ARHGAP44: variants seen among roughly 807,000 people sequenced by gnomAD.
ARHGAP44 encodes rho GTPase-activating protein 44.
Under a neutral mutation model 106.8 loss-of-function variants are expected in ARHGAP44, and 43 were observed. That is an observed-to-expected ratio of 0.40 (90% CI 0.32 to 0.52). The LOEUF is 0.52. ARHGAP44 is among the 20% of genes least tolerant of loss of function. ARHGAP44 has a pLI of 0.48. For synonymous variants in ARHGAP44, 439 were observed against 410.3 expected (o/e 1.07, Z -0.85); for missense variants, 866 against 1,050.5 (o/e 0.82, Z 2.43).
intron 1 of ARHGAP44, among the ~76,000 whole-genome samples, chr17:12,802,990 T>TTG (rs2034164105): frequency 1.0e-5 from 1 of 99,728 alleles, no homozygotes; most frequent in Non-Finnish European, 2.1e-5. Flanking sequence ...TTTTTTTTTT[T>TTG]GAGGCAGAGT....
chr17:12,903,114 GAGAGAGAGAGA>G (rs1567677635), intron 3 of ARHGAP44, among the ~76,000 whole-genome samples: 3 of 77,902 alleles, frequency 3.9e-5, no homozygotes, highest in Non-Finnish European at 7.1e-5. Flanking sequence ...GAGAGAGAGA[GAGAGAGAGAGA>G]GGAGAGAGAG....
At position 12,949,281 on chromosome 17, in the gene ARHGAP44, A is replaced by C. The variant is rs952303215; in HGVS notation, c.973+30A>C. On this transcript the variant is annotated intron_variant, in intron 11 of 20. Coordinates refer to ENST00000379672, the MANE Select transcript of ARHGAP44 (RefSeq NM_014859.6). This position sits in a 1 kb window ranked among gnomAD's most constrained non-coding sequence, Gnocchi z 4.1. ...GCACCTCTCAGCGCTCCTGTGTGCC[A>C]TGGAGGCTCACAGGGAAGGGGTAGA... The C allele has an allele frequency of 6.5e-7, 1 of 1,539,594 alleles. No individual in the cohort carries two copies. Among genetic ancestry groups the C allele is most frequent in the Admixed American group, 2.0e-5 (1 of 50,980 alleles).
chr17:12,825,064 C>T (rs2034879070), intron 1 of ARHGAP44, among the ~76,000 whole-genome samples: 1 of 151,962 alleles, frequency 6.6e-6, no homozygotes, highest in East Asian at 1.9e-4. Flanking sequence ...GAGATGGTGT[C>T]TCACTCTGTC....
intron 7 of ARHGAP44, among the ~76,000 whole-genome samples, chr17:12,932,007 G>C (rs1598076060): frequency 6.6e-6 from 1 of 151,796 alleles, no homozygotes; most frequent in Non-Finnish European, 1.5e-5. Flanking sequence ...TTATACCCTG[G>C]TAATTTTTTT....
intron 16 of ARHGAP44, among the ~76,000 whole-genome samples, chr17:12,971,837 G>C (rs1222870644): frequency 6.6e-6 from 1 of 152,122 alleles, no homozygotes; most frequent in African/African-American, 2.4e-5. Flanking sequence ...TACTAGACAT[G>C]AGAAGGCCTC....
At chr17:12,832,246 T>G (rs774189082) in intron 1 of ARHGAP44, among the ~76,000 whole-genome samples, 3 of 152,144 alleles carry the variant, frequency 2.0e-5, no homozygotes, top group Non-Finnish European at 2.9e-5. Flanking sequence ...TCAGGAGTGT[T>G]GATTGGTCAG....
intron 16 of ARHGAP44, among the ~76,000 whole-genome samples, chr17:12,962,761 C>G (rs2039292925): frequency 6.6e-6 from 1 of 152,110 alleles, no homozygotes; most frequent in Non-Finnish European, 1.5e-5. Context: ...AAATCAATTT[C>G]TGGGTCAGGC....
intron 3 of ARHGAP44, 24 bp from the exon 4 acceptor site, chr17:12,908,873 T>A: frequency 6.3e-7 from 1 of 1,592,986 alleles, no homozygotes. Flanking sequence ...GTAGCTTTCA[T>A]TACAGCATTT....
chr17:12,944,495 T>A (rs961606845), intron 10 of ARHGAP44, among the ~76,000 whole-genome samples: 3 of 146,752 alleles, frequency 2.0e-5, no homozygotes, highest in African/African-American at 8.1e-5. Context: ...CTATTTTTTT[T>A]TTTTCTTTTG....
chr17:12,989,102 A>G (rs8066988), intron 20 of ARHGAP44, among the ~76,000 whole-genome samples: 135 of 8,672 alleles, frequency 0.016, 1 homozygote, highest in East Asian at 0.023. Context: ...CACCCCCCCC[A>G]AAAAAAAAAA....
At chr17:12,989,957 A>ATTAT in intron 20 of ARHGAP44, 75 bp from the exon 21 acceptor site, 1 of 1,567,544 alleles carries the variant, frequency 6.4e-7, no homozygotes, top group Non-Finnish European at 8.7e-7. Context: ...TAAGGCTGAC[A>ATTAT]TTATTTGCCT....
intron 16 of ARHGAP44, among the ~76,000 whole-genome samples, chr17:12,970,503 C>T (rs1159875706): frequency 1.3e-5 from 2 of 152,094 alleles, no homozygotes; most frequent in African/African-American, 4.8e-5. Context: ...AAGCCCTTTG[C>T]TTCACATAGA....
At chr17:12,836,504 C>T (rs898801238) in intron 1 of ARHGAP44, among the ~76,000 whole-genome samples, 8 of 151,368 alleles carry the variant, frequency 5.3e-5, no homozygotes, top group Admixed American at 2.6e-4. Flanking sequence ...AAAAATTGGC[C>T]GGGCATGGTG....
chr17:12,985,660 T>A (rs1270535159), intron 20 of ARHGAP44: 2 of 152,240 alleles, frequency 1.3e-5, no homozygotes, highest in Non-Finnish European at 2.9e-5. Context: ...CCCAGACACT[T>A]CAACCACATA....
intron 6 of ARHGAP44, among the ~76,000 whole-genome samples, chr17:12,926,488 GTATAATATATGTATA>G (rs1423453083): frequency 7.1e-6 from 1 of 141,742 alleles, no homozygotes; most frequent in Non-Finnish European, 1.5e-5. Flanking sequence ...ATATATGTAT[GTATAATATATGTATA>G]TATATTATAT....
intron 7 of ARHGAP44, among the ~76,000 whole-genome samples, chr17:12,932,091 A>G (rs1009676725): frequency 3.9e-5 from 6 of 152,138 alleles, no homozygotes; most frequent in Non-Finnish European, 5.9e-5. Flanking sequence ...TTTCATACCT[A>G]TTGACAGTTT....
At chr17:12,982,185 G>A (rs1355651144) in intron 19 of ARHGAP44, among the ~76,000 whole-genome samples, 1 of 152,208 alleles carries the variant, frequency 6.6e-6, no homozygotes, top group African/African-American at 2.4e-5. Context: ...TAGGCAGCCA[G>A]TGTAGCCTAG....
At chr17:12,844,044 TAG>T (rs965552261) in intron 1 of ARHGAP44, among the ~76,000 whole-genome samples, 1 of 152,184 alleles carries the variant, frequency 6.6e-6, no homozygotes, top group Non-Finnish European at 1.5e-5. Flanking sequence ...AATTTCTGTT[TAG>T]TTTTTTAGCC....
chr17:12,831,614 A>G (rs544754506), intron 1 of ARHGAP44, among the ~76,000 whole-genome samples: 4 of 151,944 alleles, frequency 2.6e-5, no homozygotes, highest in African/African-American at 4.8e-5. Flanking sequence ...TCAGGATTCA[A>G]CCCTCCCATC....
Sources: gnomAD v4.1 joint callset for allele counts (sites outside exome capture counted in the v4.1 genomes callset) on GRCh38, gnomAD v4.1.1 for gene constraint, Gnocchi (gnomAD v3.1) non-coding constraint, MANE v1.5 for transcripts, NCBI Gene and HGNC (gene_info 2026-07-23, HGNC 2026-07-21) for gene names.